Variants in FBXO4 observed in about 807,000 individuals in gnomAD.
The protein encoded by FBXO4 is F-box only protein 4.
A neutral mutation model predicts 43.7 loss-of-function variants in FBXO4; 36 were observed. That is an observed-to-expected ratio of 0.82 (90% confidence interval 0.63 to 1.09). The LOEUF (loss-of-function observed/expected upper bound fraction) is 1.09. Ranked by LOEUF, FBXO4 falls within the 50% of genes least tolerant of loss-of-function variation. FBXO4 has a pLI of 0.00. For synonymous variants in FBXO4, 180 were observed against 165.6 expected, an observed-to-expected ratio of 1.09 and a Z score of -0.67; for missense variants, 435 against 474.1, an observed-to-expected ratio of 0.92 and a Z score of 0.77.
chr5:42,028,143 T>C, the FBXO4 span, among the ~76,000 whole-genome samples: 1 of 151,928 alleles, frequency 6.6e-6, no homozygotes, highest in Non-Finnish European at 1.5e-5. Context: ...TGTTGAAGTC[T>C]CCAGCTATTA....
rs1190757500 is a variant in FBXO4, at chr5:41,939,491, G to A, written c.949G>A (p.Ala317Thr). The A allele has an allele frequency of 6.2e-7, 1 of 1,613,804 alleles. No homozygotes were observed. The highest frequency in any genetic ancestry group is 8.5e-7 in the Non-Finnish European group (1 of 1,179,804). The change falls in exon 6 of 7, where the codon GCC (alanine) becomes ACC (threonine). Residue 317 changes from alanine to threonine, a missense_variant. Physicochemically the swap from Ala to Thr is moderately conservative, Grantham distance 58 (BLOSUM62 0). Coordinates refer to ENST00000281623, the MANE Select transcript of FBXO4 (RefSeq NM_012176.3). ...TCATATTATGGCAATGACAGATCCAGCCTTTGGGTCTTCGGGAAGACCATT... is the reference window on the plus strand; with the variant it reads ...TCATATTATGGCAATGACAGATCCAACCTTTGGGTCTTCGGGAAGACCATT... The part of the protein sequence containing the change: ...FSHIMAMTDP[A>T]FGSSGRPLLV...
the FBXO4 span, among the ~76,000 whole-genome samples, chr5:42,030,204 C>G: frequency 6.6e-6 from 1 of 152,102 alleles, no homozygotes; most frequent in African/African-American, 2.4e-5. Flanking sequence ...TGACTTCAAA[C>G]TATACTACAA....
chr5:42,030,806 C>T, the FBXO4 span, among the ~76,000 whole-genome samples: 1 of 152,114 alleles, frequency 6.6e-6, no homozygotes, highest in African/African-American at 2.4e-5. Flanking sequence ...GGGATATGAA[C>T]AGACACTTCT....
At position 41,934,323 on chromosome 5, in the gene FBXO4, G is replaced by A. The variant is rs769352966; in HGVS notation, c.898+15G>A. ...AGCTCATAAAAGTAAGTACTCATAT[G>A]TACATTTTTAAGCACATTGTTCTTT... On this transcript the variant is annotated intron_variant, in intron 5 of 6. Transcript: ENST00000281623. The A allele has an allele frequency of 1.9e-6, 3 of 1,613,844 alleles. No individual in the cohort carries two copies. The highest frequency in any genetic ancestry group is 2.5e-6 in the Non-Finnish European group (3 of 1,179,962).
the FBXO4 span, among the ~76,000 whole-genome samples, chr5:41,999,520 TATAC>T: frequency 4.4e-5 from 5 of 112,750 alleles, no homozygotes; most frequent in African/African-American, 1.4e-4. Flanking sequence ...TATATATATA[TATAC>T]ATATATATAT....
chr5:41,932,234 A>C (rs1579978213), intron 3 of FBXO4, among the ~76,000 whole-genome samples: 1 of 152,362 alleles, frequency 6.6e-6, no homozygotes, highest in Admixed American at 6.5e-5. Context: ...ATAATTGGCA[A>C]AGAAGGGCAG....
the FBXO4 span, among the ~76,000 whole-genome samples, chr5:42,027,063 G>T: frequency 6.6e-6 from 1 of 151,912 alleles, no homozygotes; most frequent in Admixed American, 6.6e-5. Flanking sequence ...TGGCCTCATA[G>T]AATGAGTTTG....
At chr5:41,939,803 C>T (rs1751955288) in intron 6 of FBXO4, among the ~76,000 whole-genome samples, 187 bp downstream of exon 6, 1 of 137,104 alleles carries the variant, frequency 7.3e-6, no homozygotes, top group Non-Finnish European at 1.6e-5. Flanking sequence ...TTACTTGCCT[C>T]TTCTCTCATA....
chr5:41,999,509 A>ATATATATATATATGTG, the FBXO4 span, among the ~76,000 whole-genome samples: 36 of 66,090 alleles, frequency 5.4e-4, no homozygotes, highest in African/African-American at 3.6e-3. Context: ...ATATATGTGT[A>ATATATATATATATGTG]TATATATATA....
At chr5:41,952,445 C>A in the FBXO4 span, among the ~76,000 whole-genome samples, 1 of 151,806 alleles carries the variant, frequency 6.6e-6, no homozygotes, top group African/African-American at 2.4e-5. Context: ...TTTGTAATAC[C>A]CTTATTACCT....
At chr5:41,971,877 C>T in the FBXO4 span, among the ~76,000 whole-genome samples, 1 of 152,024 alleles carries the variant, frequency 6.6e-6, no homozygotes, top group African/African-American at 2.4e-5. Flanking sequence ...TTTTCAAAAA[C>T]ATGCACATCT....
At chr5:42,031,530 A>G in the FBXO4 span, among the ~76,000 whole-genome samples, 1 of 152,034 alleles carries the variant, frequency 6.6e-6, no homozygotes, top group Non-Finnish European at 1.5e-5. Flanking sequence ...TAATGGGTGC[A>G]GCACACCAAC....
the FBXO4 span, among the ~76,000 whole-genome samples, chr5:42,015,290 G>A: frequency 6.6e-6 from 1 of 152,218 alleles, no homozygotes; most frequent in African/African-American, 2.4e-5. Context: ...GTGAGTGTGT[G>A]TGTGCACACG....
chr5:42,034,756 G>T, the FBXO4 span, among the ~76,000 whole-genome samples: 23 of 152,220 alleles, frequency 1.5e-4, no homozygotes, highest in Non-Finnish European at 1.5e-5. Flanking sequence ...ATGCTGTTTT[G>T]GTTACTATAT....
At chr5:41,934,339 A>C in intron 5 of FBXO4, 31 bp downstream of exon 5, 1 of 1,613,554 alleles carries the variant, frequency 6.2e-7, no homozygotes, top group Non-Finnish European at 8.5e-7. Flanking sequence ...TTTTAAGCAC[A>C]TTGTTCTTTT....
intron 2 of FBXO4, among the ~76,000 whole-genome samples, chr5:41,927,686 C>T (rs914122736): frequency 2.6e-5 from 4 of 152,068 alleles, no homozygotes; most frequent in Admixed American, 6.5e-5. Context: ...TTTAATATTG[C>T]GTAGGTGAGA....
At chr5:41,950,477 G>A in the FBXO4 span, among the ~76,000 whole-genome samples, 1 of 152,100 alleles carries the variant, frequency 6.6e-6, no homozygotes, top group Non-Finnish European at 1.5e-5. Context: ...CATCATCACT[G>A]GTCATTAGAG....
At chr5:42,033,725 C>T in the FBXO4 span, among the ~76,000 whole-genome samples, 1 of 152,172 alleles carries the variant, frequency 6.6e-6, no homozygotes, top group Admixed American at 6.5e-5. Context: ...CTTTTTATGG[C>T]TGCATAGCAT....
At chr5:42,026,986 A>G in the FBXO4 span, among the ~76,000 whole-genome samples, 2 of 151,916 alleles carry the variant, frequency 1.3e-5, no homozygotes, top group Admixed American at 6.6e-5. Flanking sequence ...AATATTCCTC[A>G]GAGATATTGG....
Sources: allele counts gnomAD v4.1 joint callset (sites outside exome capture counted in the v4.1 genomes callset), GRCh38; gene constraint gnomAD v4.1.1; transcripts MANE v1.5; gene names NCBI Gene and HGNC (gene_info 2026-07-23, HGNC 2026-07-21).